Variants in FGF12 observed in about 807,000 individuals in gnomAD.
FGF12 encodes the protein fibroblast growth factor 12B.
FGF12 carries 14 observed loss-of-function variants against 23.6 expected under a neutral mutation model. The observed-to-expected ratio is 0.59, with a 90% CI of 0.39 to 0.93. FGF12 has a LOEUF of 0.93. FGF12 is among the 40% of genes least tolerant of loss of function. The pLI is 0.00. For synonymous variants in FGF12, 62 were observed against 77.3 expected (o/e 0.80, Z 1.04); for missense variants, 175 against 217.8 (o/e 0.80, Z 1.24).
At chr3:192,248,079 A>G (rs1412964072) in intron 4 of FGF12, among the ~76,000 whole-genome samples, 1 of 152,186 alleles carries the variant, frequency 6.6e-6, no homozygotes, top group Non-Finnish European at 1.5e-5. Flanking sequence ...CCAATATACT[A>G]TCTAGAATCA....
At chr3:192,545,339 T>G (rs981013782) in intron 2 of FGF12, among the ~76,000 whole-genome samples, 1 of 152,170 alleles carries the variant, frequency 6.6e-6, no homozygotes, top group Non-Finnish European at 1.5e-5. Context: ...ACCATGTGCA[T>G]CCACATGATA....
chr3:192,154,061 C>T (rs1298812508), intron 5 of FGF12, among the ~76,000 whole-genome samples: 1 of 107,752 alleles, frequency 9.3e-6, no homozygotes, highest in Non-Finnish European at 2.0e-5. Context: ...TCATTTCATT[C>T]ATTTCATCTT....
intron 2 of FGF12, among the ~76,000 whole-genome samples, chr3:192,498,194 T>C (rs1433069750): frequency 1.3e-5 from 2 of 150,540 alleles, no homozygotes; most frequent in African/African-American, 2.5e-5. Flanking sequence ...ATTATTCTTA[T>C]CTTTAGCACC....
At chr3:192,458,138 G>A (rs138653681) in intron 2 of FGF12, among the ~76,000 whole-genome samples, 1,954 of 152,322 alleles carry the variant, frequency 0.013, 22 homozygotes, top group Non-Finnish European at 0.019. Flanking sequence ...TGGATGCCCA[G>A]GCGAAAGTTT....
chr3:192,540,351 T>G (rs1725335925), intron 2 of FGF12, among the ~76,000 whole-genome samples: 1 of 152,094 alleles, frequency 6.6e-6, no homozygotes, highest in Non-Finnish European at 1.5e-5. Context: ...CATTATCATT[T>G]GTTTCAAGAT....
chr3:192,230,340 C>G (rs992978822), intron 4 of FGF12, among the ~76,000 whole-genome samples: 3 of 152,144 alleles, frequency 2.0e-5, no homozygotes, highest in Admixed American at 2.0e-4. Context: ...AAGCATTCCT[C>G]TACATAACTG....
At chr3:192,434,063 C>T (rs1721941635) in intron 2 of FGF12, among the ~76,000 whole-genome samples, 1 of 152,208 alleles carries the variant, frequency 6.6e-6, no homozygotes. Flanking sequence ...ATCCACCACC[C>T]TTAAACAGAG....
chr3:192,190,520 G>T (rs373048375), intron 4 of FGF12, among the ~76,000 whole-genome samples: 3 of 120,338 alleles, frequency 2.5e-5, no homozygotes, highest in South Asian at 5.3e-4. Flanking sequence ...CTGTCGCCCA[G>T]GCTGGAGTGC....
chr3:192,232,513 G>GTATTTATT (rs112832511), intron 4 of FGF12, among the ~76,000 whole-genome samples: 17,048 of 147,398 alleles, frequency 0.12, 1,060 homozygotes, highest in African/African-American at 0.15. Flanking sequence ...CCATGCACGT[G>GTATTTATT]TATTTATTTA....
intron 2 of FGF12, among the ~76,000 whole-genome samples, chr3:192,662,854 A>G (rs1577106789): frequency 6.6e-6 from 1 of 152,212 alleles, no homozygotes; most frequent in South Asian, 2.1e-4. Context: ...ACAAATGCAC[A>G]AATACTTGTA....
At chr3:192,656,344 G>A (rs1274562313) in intron 2 of FGF12, among the ~76,000 whole-genome samples, 1 of 150,704 alleles carries the variant, frequency 6.6e-6, no homozygotes, top group Non-Finnish European at 1.5e-5. Flanking sequence ...TAGTAAAGCA[G>A]ATACATGTAG....
chr3:192,725,428 T>G (rs1358086117), intron 2 of FGF12, among the ~76,000 whole-genome samples: 1 of 152,202 alleles, frequency 6.6e-6, no homozygotes. Flanking sequence ...ACTTCTGAAC[T>G]GATTCTTTTC....
chr3:192,546,367 T>C (rs2108581385), intron 2 of FGF12, among the ~76,000 whole-genome samples: 1 of 151,914 alleles, frequency 6.6e-6, no homozygotes, highest in East Asian at 1.9e-4. Flanking sequence ...CCCAGCTTTT[T>C]AAGATCATCT....
chr3:192,280,446 T>G (rs11710150), intron 4 of FGF12, among the ~76,000 whole-genome samples: 59,197 of 151,894 alleles, frequency 0.39, 12,735 homozygotes, highest in East Asian at 0.9. Context: ...ATATTTTTCA[T>G]AACTTCATTT....
At chr3:192,641,104 T>G (rs1367852520) in intron 2 of FGF12, among the ~76,000 whole-genome samples, 5 of 56,568 alleles carry the variant, frequency 8.8e-5, no homozygotes, top group African/African-American at 3.3e-4. Flanking sequence ...CCTTTCACTT[T>G]TTTTTTTTTT....
chr3:192,282,827 G>T (rs2108641488), intron 4 of FGF12: 1 of 152,224 alleles, frequency 6.6e-6, no homozygotes, highest in Admixed American at 6.5e-5. Context: ...CACAGAGAGT[G>T]CAGAGAGTAT....
chr3:192,436,674 A>G (rs576069945), intron 2 of FGF12, among the ~76,000 whole-genome samples: 23 of 152,336 alleles, frequency 1.5e-4, no homozygotes, highest in Admixed American at 3.9e-4. Flanking sequence ...AAATAACTGC[A>G]TGTTCAAGAT....
chr3:192,213,602 G>C (rs1307573251), intron 4 of FGF12, among the ~76,000 whole-genome samples: 1 of 152,208 alleles, frequency 6.6e-6, no homozygotes, highest in African/African-American at 2.4e-5. Flanking sequence ...GCAAGACTAA[G>C]TCTTAGATCC....
intron 2 of FGF12, among the ~76,000 whole-genome samples, chr3:192,441,488 G>C (rs556805125): frequency 6.6e-6 from 1 of 152,026 alleles, no homozygotes; most frequent in Non-Finnish European, 1.5e-5. Flanking sequence ...GATGTTGCAC[G>C]TTTTTTTCTG....
Sources: gnomAD v4.1 joint callset for allele counts (sites outside exome capture counted in the v4.1 genomes callset) on GRCh38, gnomAD v4.1.1 for gene constraint, MANE v1.5 for transcripts, NCBI Gene and HGNC (gene_info 2026-07-23, HGNC 2026-07-21) for gene names.